CHAF1B: variants seen among roughly 807,000 people sequenced by gnomAD.
CHAF1B encodes chromatin assembly factor 1 subunit B.
In CHAF1B, 10 loss-of-function variants were observed where a neutral mutation model predicts 60.7. That is an observed-to-expected ratio of 0.16 (90% CI 0.10 to 0.28). The LOEUF (loss-of-function observed/expected upper bound fraction) is 0.28. Ranked by LOEUF, CHAF1B falls within the 10% of genes least tolerant of loss-of-function variation. CHAF1B has a pLI of 1.00. For synonymous variants in CHAF1B, 261 were observed against 266.1 expected (o/e 0.98, Z 0.19); for missense variants, 558 against 708.4 (o/e 0.79, Z 2.41).
At chr21:36,412,768 C>CT in intron 11 of CHAF1B, 116 bp from the exon 12 acceptor site, 1 of 935,406 alleles carries the variant, frequency 1.1e-6, no homozygotes, top group Non-Finnish European at 1.6e-6. Flanking sequence ...CCAGTTGTAT[C>CT]TTTTCCCTGG....
chr21:36,401,916 T>G (rs943680795), intron 7 of CHAF1B, among the ~76,000 whole-genome samples: 2 of 151,642 alleles, frequency 1.3e-5, no homozygotes, highest in Non-Finnish European at 2.9e-5. Flanking sequence ...AATTTTTGTA[T>G]TTTTAGTAGA....
At chr21:36,415,530 G>C (rs539407186) in intron 13 of CHAF1B, 141 bp downstream of exon 13, 5 of 648,130 alleles carry the variant, frequency 7.7e-6, no homozygotes, top group Non-Finnish European at 1.3e-5. Flanking sequence ...GTTTAAACCC[G>C]CCGGCTGCCT....
At chr21:36,412,373 T>A (rs1340456611) in intron 11 of CHAF1B, among the ~76,000 whole-genome samples, 1 of 151,996 alleles carries the variant, frequency 6.6e-6, no homozygotes, top group African/African-American at 2.4e-5. Context: ...TGTGAGGTTT[T>A]TTTTTTGAAA....
intron 1 of CHAF1B, 82 bp from the exon 2 acceptor site, chr21:36,385,978 G>A: frequency 6.8e-6 from 5 of 739,516 alleles, no homozygotes; most frequent in Non-Finnish European, 8.9e-6. Flanking sequence ...AATGCAGTGT[G>A]CATTTTAAAT....
At chr21:36,409,157 TA>T (rs1368711499) in intron 9 of CHAF1B, among the ~76,000 whole-genome samples, 15 of 138,274 alleles carry the variant, frequency 1.1e-4, no homozygotes, top group Admixed American at 4.2e-4. Context: ...ACCCGGCTTG[TA>T]TTTTTTTTTT....
rs1601569851 is a variant in CHAF1B at position 36,413,165 on chromosome 21, A to G, written c.1343A>G (p.Asp448Gly). 1 of 1,613,512 alleles carries G rather than the reference A, an allele frequency of 6.2e-7. No individual in the cohort carries two copies. The highest frequency in any genetic ancestry group is 8.5e-7 in the Non-Finnish European group (1 of 1,179,866). ...GCCCCAGCCCCAACAGTCATCAGGGACCCTCCCTCCATCACTCCTGCTGTC... is the reference window on the plus strand; with the variant it reads ...GCCCCAGCCCCAACAGTCATCAGGGGCCCTCCCTCCATCACTCCTGCTGTC... ...RQAPAPTVIRDPPSITPAVKS... is the reference protein window; with the variant it reads ...RQAPAPTVIRGPPSITPAVKS... Residue 448 changes from aspartate (D) to glycine (G), a missense_variant, in exon 12 of 14, where the codon GAC (aspartate) becomes GGC (glycine). Physicochemically the swap from Asp to Gly is moderately conservative, Grantham distance 94 (BLOSUM62 -1). This residue lies in a region of CHAF1B where 233 missense variants were observed against 214.9 expected (regional missense o/e 1.08). Transcript: ENST00000314103.
At position 36,397,749 on chromosome 21, in the gene CHAF1B, T is replaced by C. The variant is rs2086153874; in HGVS notation, c.578+238T>C. The C allele has an allele frequency of 1.3e-5, 3 of 225,246 alleles. No homozygotes were observed. The South Asian group carries it at 3.8e-4, about 29-fold the overall frequency. 14.0% of individuals were successfully genotyped at this position (225,246 alleles called of 1,614,324 possible). On this transcript the variant is annotated intron_variant, in intron 6 of 13. Transcript: ENST00000314103. ...TTTTTTTTTTTTTTTTTAGACACAG[T>C]CTCACTCTGTCACCCAGGCAGGTGT...
intron 8 of CHAF1B, among the ~76,000 whole-genome samples, chr21:36,407,299 C>CT (rs1174734340): frequency 8.0e-6 from 1 of 125,282 alleles, no homozygotes; most frequent in South Asian, 2.3e-4. Context: ...GAGACTCTGT[C>CT]TAAAAAAAAA....
intron 4 of CHAF1B, among the ~76,000 whole-genome samples, chr21:36,392,464 C>T (rs1279226662): frequency 6.6e-5 from 10 of 152,178 alleles, no homozygotes; most frequent in Admixed American, 2.6e-4. Context: ...GGGTGGCGGC[C>T]GGGTAGAGGG....
rs2086333431 is a variant in CHAF1B, at chr21:36,418,313, A to T, written c.*1947A>T. On this transcript the variant is annotated 3_prime_UTR_variant, in exon 14 of 14. Coordinates refer to ENST00000314103, the MANE Select transcript of CHAF1B (RefSeq NM_005441.3). ...AGGCGTGAGCCACCGCGCCCAGCCG[A>T]AAGCATTTTCTTGATTATCTCTGCC... is the stretch of plus-strand genomic sequence containing the variant. 1 of 151,950 alleles carries T rather than the reference A, an allele frequency of 6.6e-6. No homozygotes were observed. Among genetic ancestry groups the T allele is most frequent in the Non-Finnish European group, 1.5e-5 (1 of 68,160 alleles). The allele number at this position is 151,950 out of a possible 1,614,324, so 9.4% of individuals were successfully genotyped here.
intron 3 of CHAF1B, 43 bp from the exon 4 acceptor site, chr21:36,391,508 G>C (rs1052021981): frequency 8.9e-7 from 1 of 1,128,016 alleles, no homozygotes; most frequent in Non-Finnish European, 1.3e-6. Context: ...ATATGAAGGA[G>C]TGTGGGTGAA....
chr21:36,389,093 G>T, intron 3 of CHAF1B: 1 of 152,872 alleles, frequency 6.5e-6, no homozygotes, highest in Non-Finnish European at 1.5e-5. Flanking sequence ...CAGCTCCTCT[G>T]GTTTGACATC....
chr21:36,412,818 C>T, intron 11 of CHAF1B, 66 bp from the exon 12 acceptor site: 2 of 1,484,980 alleles, frequency 1.3e-6, no homozygotes, highest in Non-Finnish European at 1.8e-6. Flanking sequence ...GCTCGAACTT[C>T]CCTCTTCTAA....
At chr21:36,388,204 T>C (rs2086051296) in intron 3 of CHAF1B, among the ~76,000 whole-genome samples, 1 of 152,084 alleles carries the variant, frequency 6.6e-6, no homozygotes, top group Non-Finnish European at 1.5e-5. Context: ...TTCTAGGGAA[T>C]GTGGTAGAGT....
At chr21:36,401,633 A>G (rs868617552) in intron 7 of CHAF1B, among the ~76,000 whole-genome samples, 10 of 139,400 alleles carry the variant, frequency 7.2e-5, no homozygotes, top group Admixed American at 1.6e-4. Context: ...TTTATATTAT[A>G]TATAATATAT....
At chr21:36,415,173 C>T in intron 12 of CHAF1B, 122 bp from the exon 13 acceptor site, 1 of 637,088 alleles carries the variant, frequency 1.6e-6, no homozygotes, top group South Asian at 2.0e-5. Flanking sequence ...TGCCTTGAAC[C>T]AGAAGTTCAG....
chr21:36,386,199 C>G lies in CHAF1B; in HGVS notation c.63C>G (p.Phe21Leu). 6.2e-7 allele frequency: 1 copy of G among 1,614,206 alleles called. No homozygotes were observed. Among genetic ancestry groups the G allele is most frequent in the Non-Finnish European group, 8.5e-7 (1 of 1,180,032 alleles). The change falls in exon 2 of 14, where the codon TTC (phenylalanine) becomes TTG (leucine). Residue 21 changes from phenylalanine (F) to leucine (L), a missense_variant. Phe to Leu is a conservative substitution (Grantham distance 22). Around this residue, in one of 2 missense-constraint regions of CHAF1B, gnomAD observed 325 missense variants for 493.5 expected, o/e 0.66. Coordinates refer to ENST00000314103, the MANE Select transcript of CHAF1B (RefSeq NM_005441.3). ...AGGAGCCCGTGTACAGCCTGGACTTCCAGCATGGGACGGCTGGGAGGATCC... is the reference window on the plus strand; with the variant it reads ...AGGAGCCCGTGTACAGCCTGGACTTGCAGCATGGGACGGCTGGGAGGATCC... The part of the protein sequence containing the change: ...HNKEPVYSLD[F>L]QHGTAGRIHR...
chr21:36,391,909 T>G (rs967585012), intron 4 of CHAF1B, among the ~76,000 whole-genome samples: 14 of 125,664 alleles, frequency 1.1e-4, no homozygotes, highest in Non-Finnish European at 1.5e-4. Context: ...ATTTTTAAAT[T>G]TTTTTTTTTT....
chr21:36,415,722 G>A (rs967485033), intron 13 of CHAF1B: 1 of 447,096 alleles, frequency 2.2e-6, no homozygotes. Flanking sequence ...CAGCATCCCC[G>A]GCTGCTACTT....
Sources: gnomAD v4.1 joint callset for allele counts (sites outside exome capture counted in the v4.1 genomes callset) on GRCh38, gnomAD v4.1.1 for gene constraint, gnomAD v4.1.1 regional missense constraint, MANE v1.5 for transcripts, NCBI Gene and HGNC (gene_info 2026-07-23, HGNC 2026-07-21) for gene names.